Variants in DAGLB observed in about 807,000 individuals in gnomAD.
DAGLB encodes the protein diacylglycerol lipase-beta.
In DAGLB, 66 loss-of-function variants were observed where a neutral mutation model predicts 72.1. The observed-to-expected ratio is 0.92, with a 90% CI of 0.75 to 1.12. The LOEUF is 1.12. Ranked by LOEUF, DAGLB falls within the 50% of genes most tolerant of loss-of-function variation. The pLI, the probability that DAGLB is intolerant of heterozygous loss-of-function variation, is 0.00. For synonymous variants in DAGLB, 414 were observed against 359.5 expected (o/e 1.15, Z -1.71); for missense variants, 1,065 against 884.9 (o/e 1.20, Z -2.58).
intron 2 of DAGLB, among the ~76,000 whole-genome samples, chr7:6,437,341 A>T (rs1003233208): frequency 6.6e-6 from 1 of 152,088 alleles, no homozygotes; most frequent in African/African-American, 2.4e-5. Context: ...AAAACACTTT[A>T]TGTGCGTAGT....
rs1193535318 is a variant in DAGLB at position 6,446,507 on chromosome 7, A to AAAAG, written c.96-407_96-404dup. ...AAAAAAAAAAAAAAAAAAAAAAAAA[A>AAAAG]AAAGAAATAAAAGGAGTTAATATTT... On this transcript the variant is annotated intron_variant, in intron 1 of 14. Coordinates refer to ENST00000297056, the MANE Select transcript of DAGLB (RefSeq NM_139179.4). Among the ~76,000 whole-genome samples, 12 of 135,596 alleles carry AAAAG rather than the reference A, an allele frequency of 8.8e-5. No individual in the cohort carries two copies. The East Asian group carries it at 2.1e-3, about 23-fold the overall frequency. The allele number at this position is 135,596 out of a possible 152,430, so 89.0% of individuals were successfully genotyped here.
rs1562486971 is a variant in DAGLB, at chr7:6,434,965, C to CA, written c.474dup (p.Gly159TrpfsTer17). ...GAGGAATATGGAGCCATTTTCCCCC[C>CA]AAGAGGGTCAAAGACAATGATAATG... On this transcript the variant is annotated frameshift_variant, in exon 4 of 15. Coordinates refer to ENST00000297056, the MANE Select transcript of DAGLB (RefSeq NM_139179.4). LOFTEE classifies it high-confidence loss of function. 3 of 1,614,068 alleles carry CA rather than the reference C, an allele frequency of 1.9e-6. No homozygotes were observed. The highest frequency in any genetic ancestry group is 1.7e-5 in the Admixed American group (1 of 59,996).
At chr7:6,425,205 C>T (rs11760556) in intron 7 of DAGLB, among the ~76,000 whole-genome samples, 25,383 of 152,204 alleles carry the variant, frequency 0.17, 2,522 homozygotes, top group East Asian at 0.23. Flanking sequence ...CCTCCCGCTG[C>T]GGTGCCTATG....
At chr7:6,413,425 T>C (rs1174407567) in intron 11 of DAGLB, among the ~76,000 whole-genome samples, 9 of 151,972 alleles carry the variant, frequency 5.9e-5, no homozygotes, top group Middle Eastern at 6.8e-3. Flanking sequence ...GGTCAGGAGA[T>C]TGAAACCATC....
chr7:6,431,673 G>A (rs1374180996), intron 5 of DAGLB, among the ~76,000 whole-genome samples: 1 of 152,222 alleles, frequency 6.6e-6, no homozygotes, highest in African/African-American at 2.4e-5. Context: ...TGTGGAGGCT[G>A]AGGCAGGAGA....
chr7:6,410,352 T>C lies in DAGLB; in HGVS notation c.1598A>G (p.Tyr533Cys). ...KYKILLHGLW[Y>C]ELFGGNPNNL... is the part of the protein sequence containing the mutation. ...GTTGGGGTTTCCTCCAAACAGTTCG[T>C]ACCACAAACCGTGCAGCAAGATCTT... is the stretch of plus-strand genomic sequence containing the variant. Residue 533 changes from tyrosine to cysteine, a missense_variant, in exon 14 of 15, where the codon TAC becomes TGC. Transcript: ENST00000297056. 2 of 1,613,636 alleles carry C rather than the reference T, an allele frequency of 1.2e-6. No individual in the cohort carries two copies. The highest frequency in any genetic ancestry group is 1.7e-6 in the Non-Finnish European group (2 of 1,179,770).
chr7:6,443,249 T>TAAAAAAAAA (rs60124255), intron 2 of DAGLB, among the ~76,000 whole-genome samples: 1 of 78,158 alleles, frequency 1.3e-5, no homozygotes, highest in Non-Finnish European at 2.7e-5. Flanking sequence ...TTGTCTCTAC[T>TAAAAAAAAA]AAAAAAAAAA....
At chr7:6,413,503 G>A (rs1169532040) in intron 11 of DAGLB, among the ~76,000 whole-genome samples, 2 of 152,122 alleles carry the variant, frequency 1.3e-5, no homozygotes, top group African/African-American at 2.4e-5. Context: ...GGTGGTGGGC[G>A]CCTGTAGTCC....
rs762129170 is a variant in DAGLB at position 6,410,113 on chromosome 7, C to T, written c.1820+17G>A. ...GCTGCTCCTGCCTGCCCACCACACCCACCACGCCGCACTCACCGCCCCGAG... is the reference window on the plus strand; with the variant it reads ...GCTGCTCCTGCCTGCCCACCACACCTACCACGCCGCACTCACCGCCCCGAG... On this transcript the variant is annotated intron_variant, in intron 14 of 14. Transcript: ENST00000297056. 3.8e-6 allele frequency: 6 copies of T among 1,571,802 alleles called. No homozygotes were observed. Among genetic ancestry groups the T allele is most frequent in the Non-Finnish European group, 5.2e-6 (6 of 1,156,092 alleles).
intron 1 of DAGLB, among the ~76,000 whole-genome samples, chr7:6,447,329 G>C (rs1360661665): frequency 6.6e-6 from 1 of 152,152 alleles, no homozygotes; most frequent in African/African-American, 2.4e-5. Flanking sequence ...TCGTGTTGCA[G>C]ATTCAAGTGC....
In DAGLB at chr7:6,416,610, G is replaced by C. The variant is rs571053386; in HGVS notation, c.1427+17C>G. ...TTGTAAGTAGCAAGCTGTTAGAGCA[G>C]GAAAACAAAGGCTCACCTCCACAGC... On this transcript the variant is annotated intron_variant, in intron 11 of 14. Transcript: ENST00000297056. 4 of 1,579,786 alleles carry C rather than the reference G, an allele frequency of 2.5e-6. No individual in the cohort carries two copies. In the South Asian group the frequency reaches 3.4e-5, roughly 14 times the overall value.
At chr7:6,418,656 A>G (rs1783997856) in intron 9 of DAGLB, among the ~76,000 whole-genome samples, 1 of 139,914 alleles carries the variant, frequency 7.1e-6, no homozygotes, top group Non-Finnish European at 1.5e-5. Context: ...ATCCAACTAC[A>G]AGTTTCTTTT....
chr7:6,412,203 C>A (rs143641071), intron 13 of DAGLB, among the ~76,000 whole-genome samples: 1 of 152,156 alleles, frequency 6.6e-6, no homozygotes, highest in Non-Finnish European at 1.5e-5. Flanking sequence ...CGTGACCCAC[C>A]GCGCCTGGCC....
chr7:6,445,945 C>T lies in DAGLB; in HGVS notation c.247+8G>A. The stretch of plus-strand genomic sequence containing the variant: ...AATAGGTATCAAATAGAAAAGGCTA[C>T]TTTTTACCTCTCATGCTGACACACA... On this transcript the variant is annotated splice_region_variant and intron_variant, in intron 2 of 14. Coordinates refer to ENST00000297056, the MANE Select transcript of DAGLB (RefSeq NM_139179.4). 1 of 1,579,792 alleles carries T rather than the reference C, an allele frequency of 6.3e-7. No homozygotes were observed. The highest frequency in any genetic ancestry group is 8.6e-7 in the Non-Finnish European group (1 of 1,165,986).
chr7:6,419,214 G>A (rs1784028174), intron 9 of DAGLB, among the ~76,000 whole-genome samples: 1 of 151,872 alleles, frequency 6.6e-6, no homozygotes, highest in African/African-American at 2.4e-5. Flanking sequence ...TAGAGATGGG[G>A]TTTTACCGTG....
At chr7:6,422,236 G>T in intron 8 of DAGLB, 1 of 329,232 alleles carries the variant, frequency 3.0e-6, no homozygotes, top group South Asian at 2.4e-5. Flanking sequence ...TCAGAGGATG[G>T]GGCACAGCCC....
Position 6,430,515 on chromosome 7 carries a change from G to T in DAGLB, c.894C>A (p.Asn298Lys). The change falls in exon 6 of 15, where the codon AAC becomes AAA. Residue 298 changes from asparagine to lysine, a missense_variant. Transcript: ENST00000297056. ...AYGWPLYIYR[N>K]PLTGLCRIGG... Reference sequence around the variant, plus strand: ...CAATCCTGCACAGCCCCGTGAGGGGGTTTCTGTAGATGTAGAGGGGCCACC... The same window carrying T: ...CAATCCTGCACAGCCCCGTGAGGGGTTTTCTGTAGATGTAGAGGGGCCACC... 6.3e-7 allele frequency: 1 copy of T among 1,599,208 alleles called. No individual in the cohort carries two copies. The highest frequency in any genetic ancestry group is 1.1e-5 in the South Asian group (1 of 88,702).
intron 8 of DAGLB, chr7:6,422,511 G>A: frequency 6.4e-6 from 1 of 155,936 alleles, no homozygotes; most frequent in East Asian, 1.9e-4. Context: ...ACCCAGAGCT[G>A]TGATAAGAAA....
At chr7:6,430,431 T>C (rs1784449918) in intron 6 of DAGLB, 49 bp downstream of exon 6, 11 of 1,417,018 alleles carry the variant, frequency 7.8e-6, no homozygotes, top group Non-Finnish European at 1.0e-5. Flanking sequence ...AAATAGCTTT[T>C]TTTTTTAAGG....
Sources: gnomAD v4.1 joint callset for allele counts (sites outside exome capture counted in the v4.1 genomes callset) on GRCh38, gnomAD v4.1.1 for gene constraint, MANE v1.5 for transcripts, NCBI Gene and HGNC (gene_info 2026-07-23, HGNC 2026-07-21) for gene names.